The following WNT7B variants were observed in gnomAD, a reference collection of about 807,000 sequenced individuals.
WNT7B encodes the protein Wnt family member 7B, also known as protein Wnt-7b.
WNT7B carries 19 observed loss-of-function variants against 38.2 expected under a neutral mutation model. That is an observed-to-expected ratio of 0.50 (90% CI 0.35 to 0.73). The LOEUF (loss-of-function observed/expected upper bound fraction) is 0.73. WNT7B is among the 30% of genes least tolerant of loss of function. The pLI is 0.01. For missense variants in WNT7B, 423 were observed against 507.9 expected (o/e 0.83, Z 1.61); for synonymous variants, 243 against 209.3 (o/e 1.16, Z -1.39).
intron 1 of WNT7B, among the ~76,000 whole-genome samples, chr22:45,959,467 A>G (rs1932146242): frequency 6.6e-6 from 1 of 152,116 alleles, no homozygotes; most frequent in Admixed American, 6.5e-5. Context: ...CAGCAACAGG[A>G]CAAGCTGTGT....
chr22:45,964,896 CT>C (rs1241066045), intron 1 of WNT7B, among the ~76,000 whole-genome samples: 8 of 152,198 alleles, frequency 5.3e-5, no homozygotes, highest in African/African-American at 1.9e-4. Context: ...CAGCCACCTC[CT>C]CTCCTCAGCC....
chr22:45,975,399 C>T lies in WNT7B; in HGVS notation c.71+1285G>A. 1.7e-6 allele frequency: 1 copy of T among 597,300 alleles called. No individual in the cohort carries two copies. Among genetic ancestry groups the T allele is most frequent in the South Asian group, 2.0e-5 (1 of 50,672 alleles). 37.0% of individuals were successfully genotyped at this position (597,300 alleles called of 1,614,324 possible). On this transcript the variant is annotated intron_variant, in intron 1 of 3. Coordinates refer to ENST00000339464, the MANE Select transcript of WNT7B (RefSeq NM_058238.3). This position sits in a 1 kb window ranked among gnomAD's most constrained non-coding sequence, Gnocchi z 6.6. ...ACAAACACCCAGGGACACAGCCTACCCACAGACCTATGATAAACGGGGCTA... is the reference window on the plus strand; with the variant it reads ...ACAAACACCCAGGGACACAGCCTACTCACAGACCTATGATAAACGGGGCTA...
chr22:45,931,121 G>A lies in WNT7B; in HGVS notation c.547C>T (p.His183Tyr). Residue 183 changes from histidine to tyrosine, a missense_variant, in exon 3 of 4, where the codon CAT (histidine) becomes TAT (tyrosine). Around this residue, in one of 3 missense-constraint regions of WNT7B, gnomAD observed 132 missense variants for 113.4 expected, o/e 1.16. Transcript: ENST00000339464. Reference protein sequence around the residue: ...KKNARRLMNLHNNEAGRKVLE... With the variant: ...KKNARRLMNLYNNEAGRKVLE... ...ACCTTCCTGCCGGCCTCATTGTTAT[G>A]CAGGTTCATGAGGCGCCGCGCGTTC... 6.3e-7 allele frequency: 1 copy of A among 1,588,086 alleles called. No individual in the cohort carries two copies. Among genetic ancestry groups the A allele is most frequent in the Non-Finnish European group, 8.5e-7 (1 of 1,169,652 alleles).
rs188084884 is a variant in WNT7B, at chr22:45,924,352, C to G, written c.571-1017G>C. Among the ~76,000 whole-genome samples, 10 of 152,360 alleles carry G rather than the reference C, an allele frequency of 6.6e-5. No individual in the cohort carries two copies. In the East Asian group the frequency reaches 1.7e-3, roughly 26 times the overall value. ...GAGTACAAGAAAAAGAGGGAGAGAA[C>G]CCCACAGAGATGGCTACTGCCCCAA... is the stretch of plus-strand genomic sequence containing the variant. On this transcript the variant is annotated intron_variant, in intron 3 of 3. Transcript: ENST00000339464.
intron 3 of WNT7B, among the ~76,000 whole-genome samples, chr22:45,929,169 TCTCCTCCTC>T (rs956981812): frequency 2.6e-5 from 4 of 152,040 alleles, no homozygotes; most frequent in African/African-American, 9.7e-5. Flanking sequence ...TTCTCCTCTT[TCTCCTCCTC>T]CTCCAGGGAG....
rs1932562963 is a variant in WNT7B at position 45,976,843 on chromosome 22, G to C, written c.-89C>G. ...GGCCGGGCAGGGGCCAGGGGGCTGC[G>C]GGCAGACTGCGCTCAGCCCGCGCTG... On this transcript the variant is annotated 5_prime_UTR_variant, in exon 1 of 4. Transcript: ENST00000339464. This position sits in a 1 kb window ranked among gnomAD's most constrained non-coding sequence, Gnocchi z 8.5. The C allele has an allele frequency of 8.2e-7, 1 of 1,222,592 alleles. No individual in the cohort carries two copies. The highest frequency in any genetic ancestry group is 1.0e-6 in the Non-Finnish European group (1 of 960,302). 75.7% of individuals were successfully genotyped at this position (1,222,592 alleles called of 1,614,324 possible).
In WNT7B at chr22:45,965,051, C is replaced by A. The variant is rs1031791952; in HGVS notation, c.71+11633G>T. On this transcript the variant is annotated intron_variant, in intron 1 of 3. Coordinates refer to ENST00000339464, the MANE Select transcript of WNT7B (RefSeq NM_058238.3). The surrounding 1 kb of genome is among the most constrained non-coding windows in gnomAD (Gnocchi z 6.5). ...CTCCCTGCCCTGGGCTCCCCAGACC[C>A]GAGATCACTGCCTCCGGCCCCGCCC... is the stretch of plus-strand genomic sequence containing the variant. Among the ~76,000 whole-genome samples the A allele has an allele frequency of 6.6e-6, 1 of 152,174 alleles. No individual in the cohort carries two copies. The highest frequency in any genetic ancestry group is 1.5e-5 in the Non-Finnish European group (1 of 68,026).
intron 2 of WNT7B, among the ~76,000 whole-genome samples, chr22:45,946,253 T>C (rs1247861414): frequency 6.6e-6 from 1 of 152,204 alleles, no homozygotes; most frequent in African/African-American, 2.4e-5. Flanking sequence ...GCTCTCGGCT[T>C]TCTGGCCCCA....
chr22:45,960,590 G>A (rs1011568516), intron 1 of WNT7B, among the ~76,000 whole-genome samples: 2 of 152,252 alleles, frequency 1.3e-5, no homozygotes, highest in African/African-American at 4.8e-5. Context: ...TGGCTGCCGG[G>A]CGGCCCTGGG....
chr22:45,976,552 C>A lies in WNT7B; in HGVS notation c.71+132G>T. On this transcript the variant is annotated intron_variant, in intron 1 of 3. Transcript: ENST00000339464. The surrounding 1 kb of genome is among the most constrained non-coding windows in gnomAD (Gnocchi z 8.5). ...TGGCGTGGGGCGAGGGTCTGACACA[C>A]GGGCCAGCCCCGGAGCCCAGAGAGC... is the stretch of plus-strand genomic sequence containing the variant. 2.1e-6 allele frequency: 2 copies of A among 967,350 alleles called. No homozygotes were observed. The highest frequency in any genetic ancestry group is 1.6e-5 in the South Asian group (1 of 62,702). 59.9% of individuals were successfully genotyped at this position (967,350 alleles called of 1,614,324 possible). A position where few individuals can be genotyped will look rare whatever the true frequency, so the allele number is the denominator to read the frequency against.
intron 3 of WNT7B, chr22:45,926,625 T>C (rs1931092166): frequency 1.0e-6 from 1 of 985,388 alleles, no homozygotes; most frequent in Non-Finnish European, 1.2e-6. Flanking sequence ...ATCCTGGCCA[T>C]GGCCTGCGGC....
chr22:45,931,647 C>T (rs1256163494), intron 2 of WNT7B, among the ~76,000 whole-genome samples: 2 of 152,164 alleles, frequency 1.3e-5, no homozygotes, highest in Admixed American at 6.5e-5. Flanking sequence ...CGACTGCCCT[C>T]CAGCATGCAG....
Position 45,977,024 on chromosome 22 carries a change from C to T in WNT7B, c.-270G>A. ...CCGGTTGAGCGACCGTGGACCCCTGCAAGCGCGGGCCGGGGGCCCGGGCGC... is the reference window on the plus strand; with the variant it reads ...CCGGTTGAGCGACCGTGGACCCCTGTAAGCGCGGGCCGGGGGCCCGGGCGC... On this transcript the variant is annotated 5_prime_UTR_variant, in exon 1 of 4. Transcript: ENST00000339464. 1 of 985,206 alleles carries T rather than the reference C, an allele frequency of 1.0e-6. No individual in the cohort carries two copies. Among genetic ancestry groups the T allele is most frequent in the Non-Finnish European group, 1.2e-6 (1 of 830,210 alleles). The allele number at this position is 985,206 out of a possible 1,614,324, so 61.0% of individuals were successfully genotyped here.
intron 1 of WNT7B, among the ~76,000 whole-genome samples, chr22:45,953,152 C>A (rs1451856581): frequency 1.8e-5 from 1 of 56,634 alleles, no homozygotes; most frequent in East Asian, 4.3e-4. Flanking sequence ...CCCTCACAGC[C>A]ACCGTGTCCG....
chr22:45,927,703 C>T (rs1212445602), intron 3 of WNT7B: 27 of 686,094 alleles, frequency 3.9e-5, no homozygotes, highest in Non-Finnish European at 5.9e-5. Flanking sequence ...CAAGACCAGC[C>T]TGGGCAACAT....
chr22:45,943,993 T>A (rs1174801033), intron 2 of WNT7B, among the ~76,000 whole-genome samples: 1 of 152,092 alleles, frequency 6.6e-6, no homozygotes, highest in Non-Finnish European at 1.5e-5. Flanking sequence ...GGGACCTCCA[T>A]GTCCCCATTC....
At chr22:45,962,884 C>T (rs1278573289) in intron 1 of WNT7B, among the ~76,000 whole-genome samples, 1 of 152,236 alleles carries the variant, frequency 6.6e-6, no homozygotes, top group East Asian at 1.9e-4. Context: ...AGGTGGAACA[C>T]GTTGGAGAGA....
At chr22:45,928,100 T>G (rs1288496909) in intron 3 of WNT7B, among the ~76,000 whole-genome samples, 3 of 152,144 alleles carry the variant, frequency 2.0e-5, no homozygotes, top group Non-Finnish European at 4.4e-5. Context: ...GCCCCAGAGC[T>G]GAGAGAGAAC....
intron 2 of WNT7B, among the ~76,000 whole-genome samples, chr22:45,949,595 C>T (rs532916675): frequency 6.6e-6 from 1 of 152,234 alleles, no homozygotes; most frequent in Non-Finnish European, 1.5e-5. Context: ...TGGGCCCCAA[C>T]CACTGCACGG....
Sources: allele counts gnomAD v4.1 joint callset (sites outside exome capture counted in the v4.1 genomes callset), GRCh38; gene constraint gnomAD v4.1.1; regional missense constraint gnomAD v4.1.1; non-coding constraint Gnocchi (gnomAD v3.1); transcripts MANE v1.5; gene names NCBI Gene and HGNC (gene_info 2026-07-23, HGNC 2026-07-21).